Variants in SMG5 observed in about 807,000 individuals in gnomAD.
The protein encoded by SMG5 is nonsense-mediated mRNA decay factor SMG5.
A neutral mutation model predicts 122.9 loss-of-function variants in SMG5; 53 were observed. That is an observed-to-expected ratio of 0.43 (90% confidence interval 0.35 to 0.54). SMG5 has a LOEUF of 0.54. SMG5 is among the 20% of genes least tolerant of loss of function. The pLI is 0.01. For missense variants in SMG5, 1,153 were observed against 1,285.6 expected, an observed-to-expected ratio of 0.90 and a Z score of 1.58; for synonymous variants, 477 against 490.2, an observed-to-expected ratio of 0.97 and a Z score of 0.35.
Position 156,278,919 on chromosome 1 carries a change from T to TA in SMG5, c.173+16dup. 1 of 1,600,724 alleles carries TA rather than the reference T, an allele frequency of 6.2e-7. No individual in the cohort carries two copies. On this transcript the variant is annotated intron_variant, in intron 2 of 21. Transcript: ENST00000361813. Reference sequence around the variant, plus strand: ...AGGGAAACAGTAAGGATCTGTGGTTTAGAGTCTCTAGCTTACTTGTTCCTC... The same window carrying TA: ...AGGGAAACAGTAAGGATCTGTGGTTTAAGAGTCTCTAGCTTACTTGTTCCTC...
At position 156,263,522 on chromosome 1, in the gene SMG5, G is replaced by A. The variant is rs375074169; in HGVS notation, c.1904C>T (p.Ser635Phe). The part of the protein sequence containing the change: ...ESEGSESSGR[S>F]CRNERSIQEK... ...CTGGATGCTGCGCTCATTCCGACAG[G>A]AGCGTCCACTGGACTCACTCCCCTC... is the stretch of plus-strand genomic sequence containing the variant. Residue 635 changes from serine to phenylalanine, a missense_variant, in exon 13 of 22, where the codon TCC becomes TTC. Transcript: ENST00000361813. 1.4e-5 allele frequency: 22 copies of A among 1,614,128 alleles called. No homozygotes were observed. Among genetic ancestry groups the A allele is most frequent in the Non-Finnish European group, 1.8e-5 (21 of 1,180,058 alleles).
intron 19 of SMG5, 86 bp from the exon 20 acceptor site, chr1:156,251,563 C>A: frequency 7.2e-7 from 1 of 1,385,476 alleles, no homozygotes; most frequent in Non-Finnish European, 1.0e-6. Context: ...GCTCTGGGGG[C>A]CTGGTTTTGC....
At chr1:156,258,901 ATGTCCTTCAGG>A in intron 16 of SMG5, 93 bp downstream of exon 16, 1 of 1,407,158 alleles carries the variant, frequency 7.1e-7, no homozygotes, top group Admixed American at 2.2e-5. Context: ...GCATCTTACT[ATGTCCTTCAGG>A]TGGAGACCAC....
intron 7 of SMG5, 135 bp from the exon 8 acceptor site, chr1:156,268,550 A>C: frequency 2.7e-6 from 3 of 1,124,046 alleles, no homozygotes; most frequent in Non-Finnish European, 3.8e-6. Context: ...ACGCAGGGTA[A>C]AAGGCTCATG....
intron 7 of SMG5, 47 bp downstream of exon 7, chr1:156,272,273 A>C: frequency 3.3e-6 from 5 of 1,522,594 alleles, no homozygotes; most frequent in Non-Finnish European, 4.5e-6. Context: ...AGCCAAAATA[A>C]TATGCACACA....
rs916072228 is a variant in SMG5 at position 156,249,494 on chromosome 1, C to A, written c.*1093G>T. The A allele has an allele frequency of 8.6e-6, 3 of 350,458 alleles. No homozygotes were observed. The highest frequency in any genetic ancestry group is 6.4e-5 in the African/African-American group (3 of 46,570). The allele number at this position is 350,458 out of a possible 1,614,324, so 21.7% of individuals were successfully genotyped here. ...GCTGAGGCAATCCTGGCTGCAGCCT[C>A]CCACACACAGCCCTGCTCTTGGTGC... On this transcript the variant is annotated 3_prime_UTR_variant, in exon 22 of 22. Transcript: ENST00000361813.
At chr1:156,255,108 T>C (rs565400334) in intron 16 of SMG5, among the ~76,000 whole-genome samples, 4 of 148,046 alleles carry the variant, frequency 2.7e-5, no homozygotes, top group Admixed American at 6.8e-5. Flanking sequence ...ATAAACAAAA[T>C]AAAATAAAAT....
In SMG5 at chr1:156,282,725, C is replaced by A. The variant is rs1362048858; in HGVS notation, c.-45G>T. The A allele has an allele frequency of 1.3e-6, 2 of 1,550,744 alleles. No homozygotes were observed. The highest frequency in any genetic ancestry group is 3.7e-5 in the Admixed American group (2 of 53,420). ...AGCTCCCGGTCACAGGCCCCTGCCA[C>A]CCACCACTACCGCCAACACTGCCGT... is the stretch of plus-strand genomic sequence containing the variant. On this transcript the variant is annotated 5_prime_UTR_variant, in exon 1 of 22. Coordinates refer to ENST00000361813, the MANE Select transcript of SMG5 (RefSeq NM_015327.3).
intron 12 of SMG5, among the ~76,000 whole-genome samples, chr1:156,264,143 C>T: frequency 6.6e-6 from 1 of 151,742 alleles, no homozygotes; most frequent in Non-Finnish European, 1.5e-5. Context: ...TGGTGCATGC[C>T]TGTAATCTCA....
Position 156,259,147 on chromosome 1 carries a change from C to T in SMG5, c.2300G>A (p.Cys767Tyr), listed in dbSNP as rs751929048. 5.7e-6 allele frequency: 9 copies of T among 1,587,174 alleles called. No homozygotes were observed. The African/African-American group carries it at 1.1e-4, about 19-fold the overall frequency. ...STLEESVVRI[C>Y]CIRSFGHFIA... The stretch of plus-strand genomic sequence containing the variant: ...GAAATGACCAAAGCTGCGGATGCAG[C>T]AGATGCGCACCACTGACTGTGGGGA... The change falls in exon 16 of 22, where the codon TGC (cysteine) becomes TAC (tyrosine). Residue 767 changes from cysteine (C) to tyrosine (Y), a missense_variant. Cys to Tyr is a radical substitution (Grantham distance 194). Coordinates refer to ENST00000361813, the MANE Select transcript of SMG5 (RefSeq NM_015327.3).
intron 4 of SMG5, 73 bp downstream of exon 4, chr1:156,277,012 T>A: frequency 6.6e-7 from 1 of 1,514,688 alleles, no homozygotes; most frequent in Non-Finnish European, 9.0e-7. Flanking sequence ...GCAAGCTACA[T>A]GAACCCTGAG....
intron 7 of SMG5, 125 bp from the exon 8 acceptor site, chr1:156,268,540 A>G: frequency 8.1e-7 from 1 of 1,241,378 alleles, no homozygotes; most frequent in South Asian, 1.4e-5. Context: ...CCATGTACAT[A>G]CGCAGGGTAA....
At chr1:156,282,900 C>A (rs1290232858), upstream of SMG5, 1 of 546,864 alleles carries the variant, frequency 1.8e-6, no homozygotes, top group Non-Finnish European at 3.2e-6. Flanking sequence ...GCTACCAAAT[C>A]TCGCGAAACT....
At chr1:156,261,600 T>C (rs1239707248) in intron 13 of SMG5, among the ~76,000 whole-genome samples, 192 bp from the exon 14 acceptor site, 2 of 152,012 alleles carry the variant, frequency 1.3e-5, no homozygotes, top group Non-Finnish European at 2.9e-5. Context: ...AAAAATTAGC[T>C]GGGCTGGCTG....
At chr1:156,280,171 C>T (rs545722154) in intron 1 of SMG5, among the ~76,000 whole-genome samples, 4 of 152,226 alleles carry the variant, frequency 2.6e-5, no homozygotes, top group East Asian at 1.9e-4. Context: ...CTACAATGGA[C>T]GGCCAAGAAG....
Position 156,253,076 on chromosome 1 carries a change from G to C in SMG5, c.2505C>G (p.Leu835=), listed in dbSNP as rs774705506. 3 of 1,599,842 alleles carry C rather than the reference G, an allele frequency of 1.9e-6. No homozygotes were observed. Among genetic ancestry groups the C allele is most frequent in the Non-Finnish European group, 1.7e-6 (2 of 1,172,890 alleles). The part of the protein sequence containing the change: ...MRDMAQLRLQ[L]EVSQLEGSLQ... Reference sequence around the variant, plus strand: ...GGCTGCCCTCCAGCTGAGACACTTCGAGCTGGTGAGAGAGGGCAAGGTGGG... The same window carrying C: ...GGCTGCCCTCCAGCTGAGACACTTCCAGCTGGTGAGAGAGGGCAAGGTGGG... The change falls in exon 18 of 22, where the codon CTC becomes CTG. Residue 835 remains leucine, a splice_region_variant and synonymous_variant. Coordinates refer to ENST00000361813, the MANE Select transcript of SMG5 (RefSeq NM_015327.3).
chr1:156,253,353 G>C lies in SMG5; in HGVS notation c.2502+96C>G, dbSNP rs878981219. ...GGCGGAGGGACACAGAGGCAACAGA[G>C]CAGGGGGACTACAGCGGAAGGGGGA... is the stretch of plus-strand genomic sequence containing the variant. On this transcript the variant is annotated intron_variant, in intron 17 of 21. Coordinates refer to ENST00000361813, the MANE Select transcript of SMG5 (RefSeq NM_015327.3). 3.9e-6 allele frequency: 5 copies of C among 1,277,450 alleles called. No homozygotes were observed. The Admixed American group carries it at 8.7e-5, about 22-fold the overall frequency. 79.1% of individuals were successfully genotyped at this position (1,277,450 alleles called of 1,614,324 possible).
In SMG5 at chr1:156,259,015, TG is replaced by T; in HGVS notation, c.2431del (p.Gln811SerfsTer15). On this transcript the variant is annotated frameshift_variant, in exon 16 of 22. Coordinates refer to ENST00000361813, the MANE Select transcript of SMG5 (RefSeq NM_015327.3). LOFTEE classifies it high-confidence loss of function. ...QESLLQQAQA[Q>X]FRMAQEEARR... Reference sequence around the variant, plus strand: ...GAAGGCCTGACTCACCATTCGGAACTGTGCCTGGGCCTGCTGCAGCAGGCTC... The same window carrying T: ...GAAGGCCTGACTCACCATTCGGAACTTGCCTGGGCCTGCTGCAGCAGGCTC... 6.2e-7 allele frequency: 1 copy of T among 1,613,870 alleles called. No individual in the cohort carries two copies. The highest frequency in any genetic ancestry group is 8.5e-7 in the Non-Finnish European group (1 of 1,179,914).
chr1:156,288,912 G>A, the SMG5 span, among the ~76,000 whole-genome samples: 1 of 152,260 alleles, frequency 6.6e-6, no homozygotes, highest in East Asian at 1.9e-4. Context: ...AAATCATCAG[G>A]GAGCTAAAGG....
Sources: gnomAD v4.1 joint callset for allele counts (sites outside exome capture counted in the v4.1 genomes callset) on GRCh38, gnomAD v4.1.1 for gene constraint, MANE v1.5 for transcripts, NCBI Gene and HGNC (gene_info 2026-07-23, HGNC 2026-07-21) for gene names.